The following ABCA13 variants were observed in gnomAD, a reference collection of about 807,000 sequenced individuals.
The protein encoded by ABCA13 is ATP-binding cassette sub-family A member 13.
Under a neutral mutation model 478.7 loss-of-function variants are expected in ABCA13, and 476 were observed. That is an observed-to-expected ratio of 0.99 (90% confidence interval 0.92 to 1.07). The LOEUF (loss-of-function observed/expected upper bound fraction) is 1.07, where lower values mean the gene tolerates loss of function less well. Among genes scored for constraint, ABCA13 ranks in the 50% least tolerant of loss-of-function variants. The probability of loss-of-function intolerance (pLI) is 0.00; values close to 1 mark genes in which losing one functional copy is unlikely to be tolerated. For synonymous variants in ABCA13, 2,252 were observed against 2,158.9 expected (o/e 1.04, Z -1.20); for missense variants, 6,060 against 5,910.6 (o/e 1.03, Z -0.83).
intron 31 of ABCA13, among the ~76,000 whole-genome samples, chr7:48,361,638 T>C (rs1359732589): frequency 6.6e-6 from 1 of 151,648 alleles, no homozygotes; most frequent in Admixed American, 6.6e-5. Flanking sequence ...ATATTTGTAG[T>C]TAAATATATT....
intron 7 of ABCA13, among the ~76,000 whole-genome samples, chr7:48,230,627 C>T (rs533095287): frequency 6.6e-6 from 1 of 152,270 alleles, no homozygotes; most frequent in African/African-American, 2.4e-5. Flanking sequence ...ATTCATCCAT[C>T]CATCCATCTG....
chr7:48,323,819 A>G (rs991014521), intron 27 of ABCA13, among the ~76,000 whole-genome samples: 2 of 152,156 alleles, frequency 1.3e-5, no homozygotes, highest in African/African-American at 4.8e-5. Context: ...CCAGGTGGAG[A>G]TAACTGAATC....
intron 27 of ABCA13, among the ~76,000 whole-genome samples, chr7:48,330,030 TATCC>T (rs59122878): frequency 0.44 from 60,989 of 139,162 alleles, 13,027 homozygotes; most frequent in Middle Eastern, 0.52. Context: ...TTGATCTATT[TATCC>T]ATCCATCCAT....
chr7:48,281,822 A>G (rs1377336259), intron 19 of ABCA13, among the ~76,000 whole-genome samples: 1 of 152,044 alleles, frequency 6.6e-6, no homozygotes, highest in East Asian at 1.9e-4. Context: ...CCTTGAGGAG[A>G]CTTTGATCAC....
At chr7:48,314,508 C>A in intron 26 of ABCA13, 99 bp downstream of exon 26, 1 of 1,128,960 alleles carries the variant, frequency 8.9e-7, no homozygotes, top group Non-Finnish European at 1.2e-6. Flanking sequence ...TATAAGGTTG[C>A]TATATACTGG....
intron 58 of ABCA13, among the ~76,000 whole-genome samples, chr7:48,602,483 T>G (rs1231582890): frequency 6.6e-6 from 1 of 152,118 alleles, no homozygotes; most frequent in Non-Finnish European, 1.5e-5. Flanking sequence ...AATAGGGAAT[T>G]CTTTCCCCAT....
At chr7:48,298,319 G>T in intron 22 of ABCA13, 47 bp from the exon 23 acceptor site, 1 of 1,549,912 alleles carries the variant, frequency 6.5e-7, no homozygotes, top group South Asian at 1.2e-5. Flanking sequence ...AGTCAGTAAT[G>T]ATCTAAACCT....
rs551442783 is a variant in ABCA13, at chr7:48,355,941, G to T, written c.10688+3454G>T. ...GATCTATTAATTTAGGAGTCTCCCC[G>T]ATTTTGATGGCATTTAGAACTCTAA... On this transcript the variant is annotated intron_variant, in intron 31 of 61. Coordinates refer to ENST00000435803, the MANE Select transcript of ABCA13 (RefSeq NM_152701.5). 6.8e-4 allele frequency among the ~76,000 whole-genome samples: 103 copies of T among 151,846 alleles called. No individual in the cohort carries two copies. In the South Asian group the frequency reaches 0.018, roughly 26 times the overall value.
At chr7:48,341,901 T>A (rs180997261) in intron 29 of ABCA13, among the ~76,000 whole-genome samples, 2,004 of 142,172 alleles carry the variant, frequency 0.014, 47 homozygotes, top group Admixed American at 0.019. Flanking sequence ...TATATCTTTC[T>A]GATATATATA....
intron 55 of ABCA13, among the ~76,000 whole-genome samples, chr7:48,548,598 G>A (rs67517652): frequency 0.14 from 21,101 of 149,468 alleles, 2,025 homozygotes; most frequent in African/African-American, 0.23. Context: ...GCAACCTCAC[G>A]CTATGGCTTA....
intron 33 of ABCA13, among the ~76,000 whole-genome samples, chr7:48,373,253 A>T (rs1563143451): frequency 1.3e-5 from 2 of 152,292 alleles, no homozygotes; most frequent in South Asian, 2.1e-4. Flanking sequence ...GGAGACCTAG[A>T]TTACGGGGCT....
At chr7:48,403,983 A>T (rs774071923) in intron 39 of ABCA13, 104 bp downstream of exon 39, 54 of 1,325,048 alleles carry the variant, frequency 4.1e-5, no homozygotes, top group Non-Finnish European at 5.2e-5. Context: ...GTGAGGCTAC[A>T]TTATCCTTTT....
chr7:48,411,399 C>T (rs894949436), intron 40 of ABCA13, among the ~76,000 whole-genome samples: 1 of 151,530 alleles, frequency 6.6e-6, no homozygotes, highest in African/African-American at 2.4e-5. Context: ...ACCTCCCGTT[C>T]CAGGTTCAAG....
At chr7:48,532,417 T>G (rs1311754296) in intron 55 of ABCA13, among the ~76,000 whole-genome samples, 1 of 152,122 alleles carries the variant, frequency 6.6e-6, no homozygotes, top group Non-Finnish European at 1.5e-5. Context: ...TTATAAGGAT[T>G]TTTTCATCTA....
At position 48,580,409 on chromosome 7, in the gene ABCA13, C is replaced by A. The variant is rs748267633; in HGVS notation, c.14505+35C>A. 3.1e-6 allele frequency: 5 copies of A among 1,593,530 alleles called. No homozygotes were observed. In the East Asian group the frequency reaches 1.1e-4, roughly 36 times the overall value. On this transcript the variant is annotated intron_variant, in intron 56 of 61. Transcript: ENST00000435803. The stretch of plus-strand genomic sequence containing the variant: ...CCTGGGGTCTTCTAGATAAAGGGAC[C>A]CATTGAGGAATGCTTGGTGACCACC...
chr7:48,248,424 G>A lies in ABCA13; in HGVS notation c.1845G>A (p.Lys615=). ...ATGATGTCTTTTCTAGTGACTGTAA[G>A]CACCAGCTTGTCTCCACAGTGTAAG... ...PENDVFSSDC[K]HQLVSTVIFH... The change falls in exon 14 of 62, where the codon AAG becomes AAA. Residue 615 remains lysine (K), a synonymous_variant. Transcript: ENST00000435803. 1 of 1,607,544 alleles carries A rather than the reference G, an allele frequency of 6.2e-7. No homozygotes were observed. Among genetic ancestry groups the A allele is most frequent in the South Asian group, 1.1e-5 (1 of 89,902 alleles).
At chr7:48,362,713 T>C (rs899766543) in intron 31 of ABCA13, among the ~76,000 whole-genome samples, 4 of 151,888 alleles carry the variant, frequency 2.6e-5, no homozygotes, top group Non-Finnish European at 5.9e-5. Flanking sequence ...ATAAGTAATA[T>C]AAACCCTTGT....
Position 48,410,623 on chromosome 7 carries a change from C to T in ABCA13, c.12174C>T (p.Pro4058=), listed in dbSNP as rs1248318472. Residue 4058 remains proline (P), a synonymous_variant, in exon 40 of 62, where the codon CCC becomes CCT. Coordinates refer to ENST00000435803, the MANE Select transcript of ABCA13 (RefSeq NM_152701.5). ...GGAGGCTCAGGTGCTGCGGTCCTCC[C>T]TTCTGCCTGAAGGAGGCATATGGCC... The part of the protein sequence containing the change: ...QHGRLRCCGP[P]FCLKEAYGQG... 9 of 1,614,048 alleles carry T rather than the reference C, an allele frequency of 5.6e-6. No individual in the cohort carries two copies. The East Asian group carries it at 1.3e-4, about 24-fold the overall frequency.
intron 29 of ABCA13, among the ~76,000 whole-genome samples, chr7:48,346,811 A>G (rs906883045): frequency 1.3e-5 from 2 of 152,240 alleles, no homozygotes; most frequent in African/African-American, 4.8e-5. Context: ...AACAAGATAA[A>G]TAGTGCAATT....
Sources: gnomAD v4.1 joint callset for allele counts (sites outside exome capture counted in the v4.1 genomes callset) on GRCh38, gnomAD v4.1.1 for gene constraint, MANE v1.5 for transcripts, NCBI Gene and HGNC (gene_info 2026-07-23, HGNC 2026-07-21) for gene names.